The following HERC2 variants were observed in gnomAD, a reference collection of about 807,000 sequenced individuals.
HERC2 encodes HECT and RLD domain containing E3 ubiquitin protein ligase 2.
In HERC2, 102 loss-of-function variants were observed where a neutral mutation model predicts 537.7. That is an observed-to-expected ratio of 0.19 (90% CI 0.16 to 0.22). The LOEUF is 0.22. HERC2 is among the 10% of genes least tolerant of loss of function. HERC2 has a pLI of 1.00. For synonymous variants in HERC2, 2,224 were observed against 2,466.2 expected, an observed-to-expected ratio of 0.90 and a Z score of 2.91; for missense variants, 4,236 against 6,198.2, an observed-to-expected ratio of 0.68 and a Z score of 10.63.
At chr15:28,147,428 A>C (rs1891867200) in intron 70 of HERC2, among the ~76,000 whole-genome samples, 1 of 152,032 alleles carries the variant, frequency 6.6e-6, no homozygotes, top group South Asian at 2.1e-4. Context: ...CAGGAGTTAA[A>C]GACAGGCCTG....
chr15:28,200,647 G>A (rs1342970142), intron 48 of HERC2, among the ~76,000 whole-genome samples: 4 of 152,182 alleles, frequency 2.6e-5, no homozygotes, highest in Non-Finnish European at 5.9e-5. Context: ...TACAATCTTG[G>A]TTGTATCCAA....
In HERC2 at chr15:28,293,098, C is replaced by A. The variant is rs554555919; in HGVS notation, c.188-76G>T. 2.9e-6 allele frequency: 4 copies of A among 1,363,012 alleles called. No homozygotes were observed. The African/African-American group carries it at 4.4e-5, about 15-fold the overall frequency. The allele number at this position is 1,363,012 out of a possible 1,614,324, so 84.4% of individuals were successfully genotyped here. A position where few individuals can be genotyped will look rare whatever the true frequency, so the allele number is the denominator to read the frequency against. ...CCATTAGTCTCTGCAAATGTCCCTC[C>A]CCGAAAAGTTACAACACACATCATT... is the stretch of plus-strand genomic sequence containing the variant. On this transcript the variant is annotated intron_variant, in intron 3 of 92. Coordinates refer to ENST00000261609, the MANE Select transcript of HERC2 (RefSeq NM_004667.6).
intron 65 of HERC2, among the ~76,000 whole-genome samples, chr15:28,174,132 A>C (rs1797654572): frequency 6.6e-6 from 1 of 152,180 alleles, no homozygotes; most frequent in South Asian, 2.1e-4. Flanking sequence ...GGCAGTTATT[A>C]GGAGTCCTGT....
intron 56 of HERC2, among the ~76,000 whole-genome samples, chr15:28,186,066 T>A (rs145801935): frequency 2.0e-5 from 3 of 152,182 alleles, no homozygotes; most frequent in African/African-American, 7.2e-5. Flanking sequence ...ACTAATCATA[T>A]GGAAATTCTA....
intron 20 of HERC2, among the ~76,000 whole-genome samples, chr15:28,251,008 A>G (rs892627989): frequency 6.6e-6 from 1 of 152,208 alleles, no homozygotes; most frequent in African/African-American, 2.4e-5. Flanking sequence ...TGTCCCATAC[A>G]GGACCCCACG....
chr15:28,276,986 G>A (rs953069818), intron 5 of HERC2, among the ~76,000 whole-genome samples: 3 of 152,186 alleles, frequency 2.0e-5, no homozygotes, highest in South Asian at 2.1e-4. Context: ...GAAATGAGGT[G>A]ACTGCTTGAG....
At chr15:28,255,847 G>C in intron 19 of HERC2, 25 bp downstream of exon 19, 1 of 1,595,378 alleles carries the variant, frequency 6.3e-7, no homozygotes. Context: ...GCACCACCAG[G>C]TCACGTGTGC....
chr15:28,317,443 G>T (rs537744502), intron 2 of HERC2, among the ~76,000 whole-genome samples: 1 of 152,342 alleles, frequency 6.6e-6, no homozygotes, highest in East Asian at 1.9e-4. Flanking sequence ...ACATTTATGC[G>T]TAGTCATTCT....
intron 50 of HERC2, among the ~76,000 whole-genome samples, chr15:28,197,310 C>A (rs865844581): frequency 3.9e-5 from 6 of 152,164 alleles, no homozygotes; most frequent in Non-Finnish European, 5.9e-5. Flanking sequence ...ACTGTTAAAA[C>A]GGACATAGTA....
chr15:28,126,764 C>T (rs150489412), intron 83 of HERC2, among the ~76,000 whole-genome samples: 4 of 152,280 alleles, frequency 2.6e-5, no homozygotes, highest in African/African-American at 7.2e-5. Flanking sequence ...GTACTGTGTA[C>T]ACTACTTGGG....
intron 69 of HERC2, among the ~76,000 whole-genome samples, chr15:28,153,490 C>A (rs1219945238): frequency 6.6e-6 from 1 of 151,534 alleles, no homozygotes; most frequent in Non-Finnish European, 1.5e-5. Context: ...CCCGTCTCTA[C>A]TAAAAATACA....
chr15:28,255,760 G>C lies in HERC2; in HGVS notation c.2871+112C>G, dbSNP rs2075238610. On this transcript the variant is annotated intron_variant, in intron 19 of 92. Transcript: ENST00000261609. ...AAGAATTTTAATTTAAAAAATACTT[G>C]GATATGATAAAAGTTTAGAGTTTTA... 3.5e-6 allele frequency: 4 copies of C among 1,135,188 alleles called. No individual in the cohort carries two copies. In the Admixed American group the frequency reaches 7.8e-5, roughly 22 times the overall value. 70.3% of individuals were successfully genotyped at this position (1,135,188 alleles called of 1,614,324 possible).
At chr15:28,149,715 A>ATTTAG (rs1892201505) in intron 70 of HERC2, among the ~76,000 whole-genome samples, 1 of 152,112 alleles carries the variant, frequency 6.6e-6, no homozygotes, top group African/African-American at 2.4e-5. Flanking sequence ...ACATGAACGC[A>ATTTAG]CGTTCTAGTA....
intron 5 of HERC2, among the ~76,000 whole-genome samples, chr15:28,278,951 T>C (rs935567357): frequency 6.6e-6 from 1 of 152,246 alleles, no homozygotes; most frequent in Non-Finnish European, 1.5e-5. Context: ...AAATCTGTGA[T>C]ACATTAACAG....
intron 84 of HERC2, 101 bp from the exon 85 acceptor site, chr15:28,124,335 G>T: frequency 1.4e-6 from 1 of 737,100 alleles, no homozygotes; most frequent in African/African-American, 1.8e-5. Flanking sequence ...TTCAAATACA[G>T]AGAAGCACTA....
chr15:28,160,060 C>T (rs1274241821), intron 69 of HERC2, among the ~76,000 whole-genome samples: 3 of 152,222 alleles, frequency 2.0e-5, no homozygotes, highest in Admixed American at 1.3e-4. Flanking sequence ...TATTGCTGAA[C>T]AGCAAATGTT....
intron 5 of HERC2, among the ~76,000 whole-genome samples, chr15:28,275,220 G>A (rs565734767): frequency 1.3e-5 from 2 of 152,218 alleles, no homozygotes; most frequent in African/African-American, 4.8e-5. Context: ...TCAAAGAAAT[G>A]TATAAGGAAT....
chr15:28,296,569 T>A (rs2076474882), intron 3 of HERC2, among the ~76,000 whole-genome samples: 2 of 152,058 alleles, frequency 1.3e-5, no homozygotes, highest in East Asian at 3.9e-4. Context: ...AGAGCACCTT[T>A]TAGAACTATT....
At position 28,196,128 on chromosome 15, in the gene HERC2, A is replaced by G. The variant is rs1897324909; in HGVS notation, c.8260+87T>C. 22 of 1,360,548 alleles carry G rather than the reference A, an allele frequency of 1.6e-5. No homozygotes were observed. The South Asian group carries it at 2.6e-4, about 16-fold the overall frequency. The allele number at this position is 1,360,548 out of a possible 1,614,324, so 84.3% of individuals were successfully genotyped here. ...GAATTACTGTATACATAGGAACCTT[A>G]AAATAACAAATTCCAATACACTGTG... is the stretch of plus-strand genomic sequence containing the variant. On this transcript the variant is annotated intron_variant, in intron 52 of 92. Coordinates refer to ENST00000261609, the MANE Select transcript of HERC2 (RefSeq NM_004667.6).
Sources: allele counts gnomAD v4.1 joint callset (sites outside exome capture counted in the v4.1 genomes callset), GRCh38; gene constraint gnomAD v4.1.1; transcripts MANE v1.5; gene names NCBI Gene and HGNC (gene_info 2026-07-23, HGNC 2026-07-21).